CPLX4: variants seen among roughly 807,000 people sequenced by gnomAD.
CPLX4 encodes complexin-4.
In CPLX4, 17 loss-of-function variants were observed where a neutral mutation model predicts 16.1. The ratio of observed to expected loss-of-function variants is 1.06; its 90% CI spans 0.72 to 1.59. The LOEUF (loss-of-function observed/expected upper bound fraction) is 1.59. CPLX4 is among the 40% of genes most tolerant of loss of function. The probability of loss-of-function intolerance (pLI) is 0.00; values close to 1 mark genes in which losing one functional copy is unlikely to be tolerated. For missense variants in CPLX4, 193 were observed against 192.9 expected (o/e 1.00, Z 0.00); for synonymous variants, 55 against 57.8 (o/e 0.95, Z 0.22).
At chr18:59,307,762 T>TTTTTTTG in intron 2 of CPLX4, among the ~76,000 whole-genome samples, 1 of 149,448 alleles carries the variant, frequency 6.7e-6, no homozygotes, top group East Asian at 2.0e-4. Context: ...GATTTTTTTT[T>TTTTTTTG]TTTTTTTGAA....
chr18:59,313,786 C>G (rs986214688), intron 1 of CPLX4, among the ~76,000 whole-genome samples: 1 of 152,198 alleles, frequency 6.6e-6, no homozygotes, highest in Non-Finnish European at 1.5e-5. Context: ...AGCAGCCATG[C>G]CCAGATAGAA....
intron 2 of CPLX4, among the ~76,000 whole-genome samples, chr18:59,309,589 C>T (rs1402349032): frequency 3.3e-5 from 5 of 151,894 alleles, no homozygotes; most frequent in Non-Finnish European, 4.4e-5. Flanking sequence ...TTAGGGAGGC[C>T]GAGGTGGGCG....
intron 2 of CPLX4, among the ~76,000 whole-genome samples, chr18:59,305,683 G>A (rs914558642): frequency 1.3e-5 from 2 of 152,166 alleles, no homozygotes; most frequent in African/African-American, 4.8e-5. Context: ...CCTGTGAAGT[G>A]TCCAAGGAAA....
chr18:59,300,899 A>G (rs953386978), intron 2 of CPLX4, among the ~76,000 whole-genome samples: 1 of 152,166 alleles, frequency 6.6e-6, no homozygotes, highest in East Asian at 1.9e-4. Context: ...CCTCTTTAGC[A>G]CTAGGCTCTC....
At position 59,310,764 on chromosome 18, in the gene CPLX4, A is replaced by AT. The variant is rs551480147; in HGVS notation, c.255+1920dup. Among the ~76,000 whole-genome samples, 77 of 151,580 alleles carry AT rather than the reference A, an allele frequency of 5.1e-4. 1 individual carries two copies. In the South Asian group the frequency reaches 0.013, roughly 26 times the overall value. On this transcript the variant is annotated intron_variant, in intron 2 of 2. Transcript: ENST00000299721. ...TATAGATGAGGATACTGAGGCTCAGATTTTTTTTTCTATTGCTGCTGCATA... is the reference window on the plus strand; with the variant it reads ...TATAGATGAGGATACTGAGGCTCAGATTTTTTTTTTCTATTGCTGCTGCATA...
intron 2 of CPLX4, among the ~76,000 whole-genome samples, chr18:59,300,213 A>T (rs747050946): frequency 4.6e-5 from 7 of 152,116 alleles, no homozygotes; most frequent in Non-Finnish European, 1.0e-4. Flanking sequence ...CACACCTGTA[A>T]TCCCAGCTAC....
chr18:59,296,542 G>A lies in CPLX4; in HGVS notation c.*156C>T. 1.3e-6 allele frequency: 1 copy of A among 758,226 alleles called. No homozygotes were observed. The highest frequency in any genetic ancestry group is 2.2e-6 in the Non-Finnish European group (1 of 459,840). 47.0% of individuals were successfully genotyped at this position (758,226 alleles called of 1,614,324 possible). On this transcript the variant is annotated 3_prime_UTR_variant, in exon 3 of 3. Coordinates refer to ENST00000299721, the MANE Select transcript of CPLX4 (RefSeq NM_181654.4). The stretch of plus-strand genomic sequence containing the variant: ...AGGTGTTAGCTAAATGCTCTGCCAG[G>A]AATATTTAGAACAACCAAATTATTG...
intron 2 of CPLX4, among the ~76,000 whole-genome samples, chr18:59,303,100 T>C (rs927288776): frequency 6.6e-6 from 1 of 152,126 alleles, no homozygotes; most frequent in Non-Finnish European, 1.5e-5. Context: ...TGGTTATGAG[T>C]GAGGCTGCTG....
In CPLX4 at chr18:59,312,757, A is replaced by C; in HGVS notation, c.183T>G (p.Ala61=). 4 of 1,389,944 alleles carry C rather than the reference A, an allele frequency of 2.9e-6. No homozygotes were observed. Among genetic ancestry groups the C allele is most frequent in the Non-Finnish European group, 4.1e-6 (4 of 976,040 alleles). 86.1% of individuals were successfully genotyped at this position (1,389,944 alleles called of 1,614,324 possible). A position where few individuals can be genotyped will look rare whatever the true frequency, so the allele number is the denominator to read the frequency against. ...TTTCTGCCTTTTTCTGTGTAAATGC[A>C]GCATCTCTTTCCATCCTAAAAGTTA... ...QMIEEKMERD[A]AFTQKKAERA... The change falls in exon 2 of 3, where the codon GCT becomes GCG. Residue 61 remains alanine (A), a synonymous_variant. Transcript: ENST00000299721.
intron 2 of CPLX4, among the ~76,000 whole-genome samples, chr18:59,300,913 T>A (rs2070536299): frequency 6.6e-6 from 1 of 152,170 alleles, no homozygotes; most frequent in Admixed American, 6.5e-5. Context: ...GGCTCTCTAT[T>A]CTAGGAGAAA....
chr18:59,315,452 C>G (rs2070645201), intron 1 of CPLX4, among the ~76,000 whole-genome samples: 1 of 151,964 alleles, frequency 6.6e-6, no homozygotes, highest in Non-Finnish European at 1.5e-5. Flanking sequence ...ATATATTTTC[C>G]AAATATATCC....
At chr18:59,306,057 C>T (rs2070575064) in intron 2 of CPLX4, among the ~76,000 whole-genome samples, 2 of 150,780 alleles carry the variant, frequency 1.3e-5, no homozygotes, top group Non-Finnish European at 2.9e-5. Context: ...CCCTGAACAT[C>T]TGGAAGAAGA....
chr18:59,312,924 A>G (rs2070627454), intron 1 of CPLX4, 152 bp from the exon 2 acceptor site: 2 of 520,204 alleles, frequency 3.8e-6, no homozygotes, highest in Non-Finnish European at 6.8e-6. Flanking sequence ...TAGGTCCCCA[A>G]ACGTCTGCCT....
chr18:59,313,303 T>C (rs1224612787), intron 1 of CPLX4, among the ~76,000 whole-genome samples: 2 of 152,164 alleles, frequency 1.3e-5, no homozygotes, highest in African/African-American at 4.8e-5. Context: ...CTGTCTCCCT[T>C]CATTGTTACT....
intron 2 of CPLX4, among the ~76,000 whole-genome samples, chr18:59,308,726 C>T (rs74910172): frequency 0.018 from 2,708 of 152,244 alleles, 43 homozygotes; most frequent in Non-Finnish European, 0.026. Flanking sequence ...CCTCCTTGCT[C>T]CAGCCAGGAT....
chr18:59,302,129 G>A (rs1389373308), intron 2 of CPLX4, among the ~76,000 whole-genome samples: 1 of 152,218 alleles, frequency 6.6e-6, no homozygotes, highest in Non-Finnish European at 1.5e-5. Flanking sequence ...GATTTATACA[G>A]TGGACACAGC....
chr18:59,312,904 A>G, intron 1 of CPLX4, 132 bp from the exon 2 acceptor site: 1 of 507,808 alleles, frequency 2.0e-6, no homozygotes, highest in Non-Finnish European at 3.5e-6. Flanking sequence ...GAACTATGGG[A>G]TTTTTTTCCT....
intron 2 of CPLX4, among the ~76,000 whole-genome samples, chr18:59,308,600 C>T (rs973909332): frequency 1.3e-5 from 2 of 148,336 alleles, no homozygotes; most frequent in African/African-American, 2.5e-5. Context: ...CTCCCTGGTC[C>T]TGCCACCACC....
rs372511937 is a variant in CPLX4, at chr18:59,308,541, C to CTTT, written c.255+4141_255+4143dup. On this transcript the variant is annotated intron_variant, in intron 2 of 2. Coordinates refer to ENST00000299721, the MANE Select transcript of CPLX4 (RefSeq NM_181654.4). ...CATCCCATCCAATGACCTATCAAGA[C>CTTT]TTTTTTTTTTTTTTTTTTTAAGTCA... 5.9e-3 allele frequency among the ~76,000 whole-genome samples: 700 copies of CTTT among 119,366 alleles called. 5 individuals carry two copies. The highest frequency in any genetic ancestry group is 8.9e-3 in the African/African-American group (281 of 31,514). 78.3% of individuals were successfully genotyped at this position (119,366 alleles called of 152,430 possible).
Sources: gnomAD v4.1 joint callset for allele counts (sites outside exome capture counted in the v4.1 genomes callset) on GRCh38, gnomAD v4.1.1 for gene constraint, MANE v1.5 for transcripts, NCBI Gene and HGNC (gene_info 2026-07-23, HGNC 2026-07-21) for gene names.